Variants in PPP1R12A observed in about 807,000 individuals in gnomAD.
PPP1R12A encodes the protein protein phosphatase 1 regulatory subunit 12A, also known as myosin binding subunit.
A neutral mutation model predicts 139.6 loss-of-function variants in PPP1R12A; 19 were observed. That is an observed-to-expected ratio of 0.14 (90% confidence interval 0.09 to 0.20). PPP1R12A has a LOEUF of 0.20. PPP1R12A is among the 10% of genes least tolerant of loss of function. The probability of loss-of-function intolerance (pLI) is 1.00; values close to 1 mark genes in which losing one functional copy is unlikely to be tolerated. For missense variants in PPP1R12A, 925 were observed against 1,211.5 expected (o/e 0.76, Z 3.51); for synonymous variants, 427 against 420.6 (o/e 1.02, Z -0.19).
intron 3 of PPP1R12A, among the ~76,000 whole-genome samples, chr12:79,843,009 C>T (rs1000772784): frequency 6.6e-5 from 10 of 152,120 alleles, no homozygotes; most frequent in Non-Finnish European, 1.2e-4. Context: ...ATGAATTTGA[C>T]TATTCTAGGT....
intron 18 of PPP1R12A, among the ~76,000 whole-genome samples, 158 bp downstream of exon 18, chr12:79,795,480 T>G (rs940097561): frequency 6.6e-6 from 1 of 152,134 alleles, no homozygotes; most frequent in Non-Finnish European, 1.5e-5. Context: ...TAACTATCCT[T>G]AAAAATAATT....
At chr12:79,922,317 T>C (rs755920661) in intron 1 of PPP1R12A, among the ~76,000 whole-genome samples, 8 of 152,104 alleles carry the variant, frequency 5.3e-5, no homozygotes, top group South Asian at 2.1e-4. Flanking sequence ...GGGTGACATA[T>C]AGGGGATAAC....
At chr12:79,853,590 T>C (rs539505903) in intron 2 of PPP1R12A, among the ~76,000 whole-genome samples, 1 of 152,328 alleles carries the variant, frequency 6.6e-6, no homozygotes, top group South Asian at 2.1e-4. Flanking sequence ...AAATTCACAA[T>C]CAGGGGAAGT....
chr12:79,831,410 T>C (rs1877407446), intron 4 of PPP1R12A, among the ~76,000 whole-genome samples: 1 of 152,046 alleles, frequency 6.6e-6, no homozygotes, highest in Admixed American at 6.6e-5. Flanking sequence ...TGGTGGAACC[T>C]TGTCTCTACA....
rs74933339 is a variant in PPP1R12A at position 79,846,596 on chromosome 12, ATT to A, written c.369-1178_369-1177del. On this transcript the variant is annotated intron_variant, in intron 2 of 24. Coordinates refer to ENST00000450142, the MANE Select transcript of PPP1R12A (RefSeq NM_002480.3). ...AGGCACCCGCCACTGCGCGTGGCTC[ATT>A]TTTTTTTTTTTTTTTTGTATTCTTA... 2.1e-3 allele frequency among the ~76,000 whole-genome samples: 263 copies of A among 127,692 alleles called. 1 individual carries two copies. The highest frequency in any genetic ancestry group is 3.2e-3 in the Non-Finnish European group (194 of 61,204). 83.8% of individuals were successfully genotyped at this position (127,692 alleles called of 152,430 possible).
intron 2 of PPP1R12A, among the ~76,000 whole-genome samples, chr12:79,864,257 T>C (rs1261889284): frequency 6.6e-6 from 1 of 152,026 alleles, no homozygotes; most frequent in East Asian, 1.9e-4. Context: ...AATAACGAAA[T>C]GAAGGCAGAG....
Position 79,788,748 on chromosome 12 carries a change from T to C in PPP1R12A, c.2702A>G (p.Tyr901Cys). ...TCCAGAGCGACCCAGCAAGGAATCA[T>C]ATCGATCACCAGCTGATGTAGAACT... ...ETSSTSAGDR[Y>C]DSLLGRSGSY... The change falls in exon 21 of 25, where the codon TAT (tyrosine) becomes TGT (cysteine). Residue 901 changes from tyrosine (Y) to cysteine (C), a missense_variant. This residue lies in a region of PPP1R12A where 315 missense variants were observed against 363.4 expected (regional missense o/e 0.87). Coordinates refer to ENST00000450142, the MANE Select transcript of PPP1R12A (RefSeq NM_002480.3). The C allele has an allele frequency of 6.2e-7, 1 of 1,612,322 alleles. No homozygotes were observed. The highest frequency in any genetic ancestry group is 1.1e-5 in the South Asian group (1 of 90,916).
rs199999664 is a variant in PPP1R12A, at chr12:79,888,023, G to A, written c.238-15085C>T. On this transcript the variant is annotated intron_variant, in intron 1 of 24. Coordinates refer to ENST00000450142, the MANE Select transcript of PPP1R12A (RefSeq NM_002480.3). ...ACTAATTGTTTCTTGATGAAACAGT[G>A]TTCAGCAAAACAAGTGGGCCATAAA... Among the ~76,000 whole-genome samples, 11 of 152,206 alleles carry A rather than the reference G, an allele frequency of 7.2e-5. No individual in the cohort carries two copies. In the East Asian group the frequency reaches 2.1e-3, roughly 29 times the overall value.
intron 1 of PPP1R12A, among the ~76,000 whole-genome samples, chr12:79,914,963 C>T (rs1468972942): frequency 6.6e-6 from 1 of 152,022 alleles, no homozygotes; most frequent in East Asian, 1.9e-4. Context: ...AGCCCCAGTT[C>T]TATGAGATAC....
At chr12:79,912,601 G>T (rs1886664362) in intron 1 of PPP1R12A, among the ~76,000 whole-genome samples, 1 of 152,006 alleles carries the variant, frequency 6.6e-6, no homozygotes, top group Admixed American at 6.6e-5. Context: ...GGCTGAGGTG[G>T]GAGGATTGCT....
At position 79,855,045 on chromosome 12, in the gene PPP1R12A, A is replaced by G. The variant is rs1258852121; in HGVS notation, c.369-9625T>C. Among the ~76,000 whole-genome samples, 6 of 152,052 alleles carry G rather than the reference A, an allele frequency of 3.9e-5. No individual in the cohort carries two copies. In the East Asian group the frequency reaches 1.2e-3, roughly 29 times the overall value. On this transcript the variant is annotated intron_variant, in intron 2 of 24. Coordinates refer to ENST00000450142, the MANE Select transcript of PPP1R12A (RefSeq NM_002480.3). ...GCTCTGTCGCCCAGGCTGGAGTGCA[A>G]TGGCGCTATCTCCGCTCACTGTAAG...
chr12:79,924,576 G>A (rs570119412), intron 1 of PPP1R12A, among the ~76,000 whole-genome samples: 8 of 152,146 alleles, frequency 5.3e-5, no homozygotes, highest in East Asian at 3.9e-4. Context: ...CCACAGATGC[G>A]TGTCGCCATG....
chr12:79,847,020 TATAAA>T (rs1424813149), intron 2 of PPP1R12A, among the ~76,000 whole-genome samples: 4 of 152,094 alleles, frequency 2.6e-5, no homozygotes, highest in African/African-American at 7.2e-5. Context: ...ATATTCTAAT[TATAAA>T]ATAGTTTTTT....
At chr12:79,912,471 C>T (rs745447156) in intron 1 of PPP1R12A, among the ~76,000 whole-genome samples, 3 of 152,006 alleles carry the variant, frequency 2.0e-5, no homozygotes, top group Admixed American at 6.6e-5. Flanking sequence ...GCGGGAGGAT[C>T]GCTTGAGCCC....
chr12:79,846,127 A>C (rs1316636521), intron 2 of PPP1R12A, among the ~76,000 whole-genome samples: 1 of 134,104 alleles, frequency 7.5e-6, no homozygotes, highest in African/African-American at 3.7e-5. Context: ...ATTAGCTATT[A>C]AACCCACCAC....
At position 79,828,337 on chromosome 12, in the gene PPP1R12A, C is replaced by T. The variant is rs1877038030; in HGVS notation, c.775G>A (p.Glu259Lys). The T allele has an allele frequency of 6.2e-7, 1 of 1,610,784 alleles. No individual in the cohort carries two copies. Among genetic ancestry groups the T allele is most frequent in the Non-Finnish European group, 8.5e-7 (1 of 1,177,976 alleles). Residue 259 changes from glutamate to lysine, a missense_variant, in exon 5 of 25, where the codon GAG (glutamate) becomes AAG (lysine). Glu to Lys is a moderately conservative substitution (Grantham distance 56). Coordinates refer to ENST00000450142, the MANE Select transcript of PPP1R12A (RefSeq NM_002480.3). ...ACGCCTACCACTTTGTTGACCATCT[C>T]CATATCACACAGATTGTCCACTAAA... The part of the protein sequence containing the change: ...RILVDNLCDM[E>K]MVNKVGQTAF...
intron 14 of PPP1R12A, among the ~76,000 whole-genome samples, chr12:79,802,495 T>G (rs1373802840): frequency 5.9e-5 from 9 of 152,154 alleles, no homozygotes; most frequent in Non-Finnish European, 1.0e-4. Flanking sequence ...AAACAAAGCT[T>G]ATAGCAGGCT....
At chr12:79,922,392 A>G (rs1157831466) in intron 1 of PPP1R12A, among the ~76,000 whole-genome samples, 1 of 152,220 alleles carries the variant, frequency 6.6e-6, no homozygotes, top group Non-Finnish European at 1.5e-5. Context: ...TCCATTTTCA[A>G]TATACTAGAA....
At chr12:79,871,403 A>G (rs1882552664) in intron 2 of PPP1R12A, among the ~76,000 whole-genome samples, 1 of 152,212 alleles carries the variant, frequency 6.6e-6, no homozygotes, top group Non-Finnish European at 1.5e-5. Flanking sequence ...CATCTGAAGA[A>G]AGAGGTTGAG....
Sources: allele counts gnomAD v4.1 joint callset (sites outside exome capture counted in the v4.1 genomes callset), GRCh38; gene constraint gnomAD v4.1.1; regional missense constraint gnomAD v4.1.1; transcripts MANE v1.5; gene names NCBI Gene and HGNC (gene_info 2026-07-23, HGNC 2026-07-21).